FAM111B: variants seen among roughly 807,000 people sequenced by gnomAD.
The protein encoded by FAM111B is serine protease FAM111B.
In FAM111B, 1 loss-of-function variant was observed where a neutral mutation model predicts 2.8. The ratio of observed to expected loss-of-function variants is 0.36; its 90% CI spans 0.13 to 1.70. The LOEUF (loss-of-function observed/expected upper bound fraction) is 1.70, where lower values mean the gene tolerates loss of function less well. FAM111B is among the 40% of genes most tolerant of loss of function. FAM111B has a pLI of 0.35. For missense variants in FAM111B, 882 were observed against 878.9 expected (o/e 1.00, Z -0.04); for synonymous variants, 297 against 295.6 (o/e 1.00, Z -0.05).
In FAM111B at chr11:59,126,031, T is replaced by C. The variant is rs771802021; in HGVS notation, c.1934T>C (p.Phe645Ser). 5.6e-6 allele frequency: 9 copies of C among 1,613,876 alleles called. No individual in the cohort carries two copies. The highest frequency in any genetic ancestry group is 1.3e-5 in the African/African-American group (1 of 74,922). The change falls in exon 4 of 4, where the codon TTC (phenylalanine) becomes TCC (serine). Residue 645 changes from phenylalanine to serine, a missense_variant. Physicochemically the swap from Phe to Ser is radical, Grantham distance 155 (BLOSUM62 -2). Transcript: ENST00000343597. ...NTHTLSYDTC[F>S]SDGSSGSPVF... ...CACACGCTTAGTTATGATACTTGTT[T>C]CTCTGATGGGTCCTCAGGCTCCCCA...
At chr11:59,121,330 C>T (rs1262499158) in intron 3 of FAM111B, among the ~76,000 whole-genome samples, 2 of 152,058 alleles carry the variant, frequency 1.3e-5, no homozygotes, top group African/African-American at 4.8e-5. Flanking sequence ...ATTTTAGAGA[C>T]TGAAGTGTGA....
intron 1 of FAM111B, among the ~76,000 whole-genome samples, chr11:59,108,420 T>C (rs568024962): frequency 3.1e-4 from 47 of 152,322 alleles, no homozygotes; most frequent in African/African-American, 1.1e-3. Context: ...TCCCACCATG[T>C]CTTTGGCCTG....
intron 3 of FAM111B, among the ~76,000 whole-genome samples, chr11:59,121,052 A>G (rs1369119288): frequency 3.3e-5 from 5 of 151,182 alleles, no homozygotes; most frequent in Non-Finnish European, 2.9e-5. Context: ...TGGTAAAAGC[A>G]ACCTTTACAA....
intron 1 of FAM111B, among the ~76,000 whole-genome samples, 187 bp from the exon 2 acceptor site, chr11:59,108,481 T>A (rs997237445): frequency 3.9e-5 from 6 of 152,192 alleles, no homozygotes; most frequent in Non-Finnish European, 7.3e-5. Context: ...AATCTGGAAT[T>A]CCTACTGGTT....
rs879028584 is a variant in FAM111B, at chr11:59,124,573, C to T, written c.476C>T (p.Thr159Ile). ...CCTAGTGATTCTCATTTTAAAATTA[C>T]ATTTGGTCAAAGAAAGAGTAGCAAA... Reference protein sequence around the residue: ...CLPSDSHFKITFGQRKSSKED... With the variant: ...CLPSDSHFKIIFGQRKSSKED... The change falls in exon 4 of 4, where the codon ACA (threonine) becomes ATA (isoleucine). Residue 159 changes from threonine (T) to isoleucine (I), a missense_variant. By Grantham distance (89) the Thr-to-Ile change is moderately conservative (BLOSUM62 -1). Transcript: ENST00000343597. The T allele has an allele frequency of 1.2e-6, 2 of 1,613,560 alleles. No homozygotes were observed. Among genetic ancestry groups the T allele is most frequent in the Non-Finnish European group, 1.7e-6 (2 of 1,179,688 alleles).
rs780380834 is a variant in FAM111B, at chr11:59,125,954, T to C, written c.1857T>C (p.Asn619=). ...TAGATCTCTATGATACCACCAGTAA[T>C]GTATACTGTATGTTTACCCAAAGAA... ...GLVDLYDTTS[N]VYCMFTQRSF... Residue 619 remains asparagine (N), a synonymous_variant, in exon 4 of 4, where the codon AAT becomes AAC. Coordinates refer to ENST00000343597, the MANE Select transcript of FAM111B (RefSeq NM_198947.4). 8 of 1,613,854 alleles carry C rather than the reference T, an allele frequency of 5.0e-6. No homozygotes were observed. The Admixed American group carries it at 1.2e-4, about 24-fold the overall frequency.
chr11:59,117,579 G>A (rs1425014822), intron 3 of FAM111B, among the ~76,000 whole-genome samples: 1 of 152,172 alleles, frequency 6.6e-6, no homozygotes, highest in Non-Finnish European at 1.5e-5. Flanking sequence ...AGTAGCCCAA[G>A]GTCACACAGT....
chr11:59,123,019 T>G (rs12223473), intron 3 of FAM111B, among the ~76,000 whole-genome samples: 5,817 of 152,308 alleles, frequency 0.038, 307 homozygotes, highest in East Asian at 0.2. Flanking sequence ...TACTTATGTT[T>G]TTCATTTCTG....
Position 59,125,470 on chromosome 11 carries a change from G to T in FAM111B, c.1373G>T (p.Ser458Ile), listed in dbSNP as rs375730937. The change falls in exon 4 of 4, where the codon AGC becomes ATC. Residue 458 changes from serine (S) to isoleucine (I), a missense_variant. Transcript: ENST00000343597. The part of the protein sequence containing the change: ...VATCEQLTYY[S>I]KSVGFMQWDN... ...ACCTGCGAACAGCTTACATATTATA[G>T]CAAGTCAGTTGGGTTCATGCAATGG... 3 of 1,613,816 alleles carry T rather than the reference G, an allele frequency of 1.9e-6. No homozygotes were observed. The African/African-American group carries it at 4.0e-5, about 22-fold the overall frequency.
At chr11:59,113,154 A>AT (rs1161104356) in intron 3 of FAM111B, among the ~76,000 whole-genome samples, 1 of 152,052 alleles carries the variant, frequency 6.6e-6, no homozygotes, top group African/African-American at 2.4e-5. Flanking sequence ...AGTTTTATTT[A>AT]TTTTTTGTAT....
chr11:59,126,420 C>A lies in FAM111B; in HGVS notation c.*118C>A. ...ATTGGCAAATGAGACCTAATTAAAT[C>A]TTCTGCACAGCAAAAGAAACTATCA... On this transcript the variant is annotated 3_prime_UTR_variant, in exon 4 of 4. Coordinates refer to ENST00000343597, the MANE Select transcript of FAM111B (RefSeq NM_198947.4). 2 of 757,208 alleles carry A rather than the reference C, an allele frequency of 2.6e-6. No individual in the cohort carries two copies. Among genetic ancestry groups the A allele is most frequent in the Non-Finnish European group, 4.0e-6 (2 of 496,254 alleles). 46.9% of individuals were successfully genotyped at this position (757,208 alleles called of 1,614,324 possible). A position where few individuals can be genotyped will look rare whatever the true frequency, so the allele number is the denominator to read the frequency against.
At position 59,125,265 on chromosome 11, in the gene FAM111B, A is replaced by C. The variant is rs1860002756; in HGVS notation, c.1168A>C (p.Asn390His). The C allele has an allele frequency of 6.2e-7, 1 of 1,613,964 alleles. No individual in the cohort carries two copies. The highest frequency in any genetic ancestry group is 1.3e-5 in the African/African-American group (1 of 75,040). ...AAAGGAGGCAATTAATCTCTTAAAG[A>C]ATTATCAAACGTTGAATGAAGCCAT... ...VQKEAINLLK[N>H]YQTLNEAIMH... The change falls in exon 4 of 4, where the codon AAT (asparagine) becomes CAT (histidine). Residue 390 changes from asparagine to histidine, a missense_variant. Coordinates refer to ENST00000343597, the MANE Select transcript of FAM111B (RefSeq NM_198947.4).
intron 3 of FAM111B, among the ~76,000 whole-genome samples, chr11:59,115,343 C>G (rs2135398394): frequency 6.6e-6 from 1 of 152,286 alleles, no homozygotes; most frequent in African/African-American, 2.4e-5. Context: ...CATATCCATG[C>G]TGTTTCTGCT....
At position 59,126,065 on chromosome 11, in the gene FAM111B, T is replaced by C. The variant is rs1181494747; in HGVS notation, c.1968T>C (p.Asn656=). The C allele has an allele frequency of 1.2e-6, 2 of 1,613,918 alleles. No individual in the cohort carries two copies. The highest frequency in any genetic ancestry group is 1.7e-6 in the Non-Finnish European group (2 of 1,179,828). The change falls in exon 4 of 4, where the codon AAT becomes AAC. Residue 656 remains asparagine (N), a synonymous_variant. Coordinates refer to ENST00000343597, the MANE Select transcript of FAM111B (RefSeq NM_198947.4). ...SDGSSGSPVF[N]ASGKLVALHT... is the part of the protein sequence containing the mutation. ...GGTCCTCAGGCTCCCCAGTGTTTAA[T>C]GCATCTGGCAAATTGGTTGCTTTGC...
intron 1 of FAM111B, among the ~76,000 whole-genome samples, chr11:59,108,043 C>G (rs576854469): frequency 2.0e-5 from 3 of 152,262 alleles, no homozygotes; most frequent in African/African-American, 7.2e-5. Flanking sequence ...GAACTTGGTG[C>G]GCCTTTGAGG....
rs143529033 is a variant in FAM111B at position 59,124,773 on chromosome 11, T to C, written c.676T>C (p.Cys226Arg). 4 of 1,613,888 alleles carry C rather than the reference T, an allele frequency of 2.5e-6. No individual in the cohort carries two copies. Among genetic ancestry groups the C allele is most frequent in the Non-Finnish European group, 3.4e-6 (4 of 1,179,846 alleles). Reference sequence around the variant, plus strand: ...GGGTGAGACTATTGAAGGAGCCTTATGCAAGGATGGCCGTTTTCGGTCTGA... The same window carrying C: ...GGGTGAGACTATTGAAGGAGCCTTACGCAAGGATGGCCGTTTTCGGTCTGA... ...LKGETIEGAL[C>R]KDGRFRSDIG... Residue 226 changes from cysteine to arginine, a missense_variant, in exon 4 of 4, where the codon TGC (cysteine) becomes CGC (arginine). By Grantham distance (180) the Cys-to-Arg change is radical (BLOSUM62 -3). Coordinates refer to ENST00000343597, the MANE Select transcript of FAM111B (RefSeq NM_198947.4).
At position 59,125,143 on chromosome 11, in the gene FAM111B, AC is replaced by A; in HGVS notation, c.1047del (p.Cys351ValfsTer10). ...ACAATTCCCAGGATTAGAAATTATTACTTTTGTAGTTTGCCCCGAAAATATA... is the reference window on the plus strand; with the variant it reads ...ACAATTCCCAGGATTAGAAATTATTATTTTGTAGTTTGCCCCGAAAATATA... ...RQTIPRIRNY[Y>X]FCSLPRKYRQ... is the part of the protein sequence containing the mutation. On this transcript the variant is annotated frameshift_variant, in exon 4 of 4. Transcript: ENST00000343597. LOFTEE classifies it low-confidence loss of function (END_TRUNC). 6.2e-7 allele frequency: 1 copy of A among 1,613,904 alleles called. No individual in the cohort carries two copies. The highest frequency in any genetic ancestry group is 8.5e-7 in the Non-Finnish European group (1 of 1,179,824).
intron 3 of FAM111B, among the ~76,000 whole-genome samples, chr11:59,123,236 A>G (rs1174731522): frequency 6.6e-6 from 1 of 152,244 alleles, no homozygotes; most frequent in African/African-American, 2.4e-5. Context: ...TATCTAAAAG[A>G]TAAGTAAGTC....
In FAM111B at chr11:59,125,481, G is replaced by A; in HGVS notation, c.1384G>A (p.Gly462Arg). 6.2e-7 allele frequency: 1 copy of A among 1,613,912 alleles called. No homozygotes were observed. The highest frequency in any genetic ancestry group is 8.5e-7 in the Non-Finnish European group (1 of 1,179,814). ...EQLTYYSKSVGFMQWDNNGNT... is the reference protein window; with the variant it reads ...EQLTYYSKSVRFMQWDNNGNT... ...GCTTACATATTATAGCAAGTCAGTT[G>A]GGTTCATGCAATGGGACAATAATGG... Residue 462 changes from glycine (G) to arginine (R), a missense_variant, in exon 4 of 4, where the codon GGG becomes AGG. Gly to Arg is a moderately radical substitution (Grantham distance 125). Coordinates refer to ENST00000343597, the MANE Select transcript of FAM111B (RefSeq NM_198947.4).
Sources: allele counts gnomAD v4.1 joint callset (sites outside exome capture counted in the v4.1 genomes callset), GRCh38; gene constraint gnomAD v4.1.1; transcripts MANE v1.5; gene names NCBI Gene and HGNC (gene_info 2026-07-23, HGNC 2026-07-21).